Variants in ZFHX3 observed in about 807,000 individuals in gnomAD.
ZFHX3 encodes zinc finger homeobox 3, also known as zinc finger homeobox protein 3.
ZFHX3 carries 42 observed loss-of-function variants against 279.1 expected under a neutral mutation model. That is an observed-to-expected ratio of 0.15 (90% CI 0.12 to 0.19). ZFHX3 has a LOEUF of 0.19. Ranked by LOEUF, ZFHX3 falls within the 10% of genes least tolerant of loss-of-function variation. The probability of loss-of-function intolerance (pLI) is 1.00; values close to 1 mark genes in which losing one functional copy is unlikely to be tolerated. For synonymous variants in ZFHX3, 2,293 were observed against 1,957.8 expected (o/e 1.17, Z -4.52); for missense variants, 4,981 against 4,754.0 (o/e 1.05, Z -1.40).
intron 9 of ZFHX3, chr16:72,789,932 C>T (rs2035624699): frequency 6.6e-6 from 1 of 152,344 alleles, no homozygotes; most frequent in African/African-American, 2.4e-5. Context: ...CACCAATTCC[C>T]AAGACATCAC....
chr16:73,585,776 T>A lies in ZFHX3; in HGVS notation c.-1547+94404A>T, dbSNP rs910028194. On this transcript the variant is annotated intron_variant, in intron 2 of 17. Transcript: ENST00000641206. The stretch of plus-strand genomic sequence containing the variant: ...AATCATGGCAGGAGCAGTTGGTAGG[T>A]AGTAAGTGCAGTTAAAATGTTTCAA... Among the ~76,000 whole-genome samples, 15 of 152,186 alleles carry A rather than the reference T, an allele frequency of 9.9e-5. No homozygotes were observed. In the East Asian group the frequency reaches 1.7e-3, roughly 18 times the overall value.
intron 2 of ZFHX3, among the ~76,000 whole-genome samples, chr16:72,951,885 G>A (rs1961017680): frequency 6.6e-6 from 1 of 152,196 alleles, no homozygotes; most frequent in African/African-American, 2.4e-5. Context: ...AATTTTCAAT[G>A]TTATTTAAAT....
At chr16:73,647,333 C>A (rs2142161981) in intron 2 of ZFHX3, among the ~76,000 whole-genome samples, 1 of 152,234 alleles carries the variant, frequency 6.6e-6, no homozygotes, top group East Asian at 1.9e-4. Context: ...TGTGTCTCCA[C>A]CCAAATCTCA....
intron 2 of ZFHX3, among the ~76,000 whole-genome samples, chr16:72,951,176 A>G (rs753575217): frequency 6.6e-6 from 1 of 152,224 alleles, no homozygotes; most frequent in Non-Finnish European, 1.5e-5. Context: ...GGACATTCTG[A>G]GATTTCTGGC....
chr16:72,923,280 C>CA (rs1959246897), intron 3 of ZFHX3, among the ~76,000 whole-genome samples: 1 of 151,948 alleles, frequency 6.6e-6, no homozygotes, highest in Non-Finnish European at 1.5e-5. Flanking sequence ...CCCATCTCTA[C>CA]AAATGATACA....
Position 73,042,410 on chromosome 16 carries a change from A to G in ZFHX3, c.-50+5342T>C, listed in dbSNP as rs13332183. ...AAGCCAGCCTAACCGATACACTCAG[A>G]AGAATTTTTCTCCAGTCACACTCCT... On this transcript the variant is annotated intron_variant, in intron 1 of 9. Coordinates refer to ENST00000268489, the MANE Select transcript of ZFHX3 (RefSeq NM_006885.4). Among the ~76,000 whole-genome samples the G allele has an allele frequency of 9.3e-3, 1,415 of 152,284 alleles. 24 individuals are homozygous for G. Among genetic ancestry groups the G allele is most frequent in the African/African-American group, 0.032 (1,336 of 41,550 alleles).
intron 4 of ZFHX3, among the ~76,000 whole-genome samples, chr16:72,857,439 C>A (rs995566914): frequency 2.6e-5 from 4 of 152,202 alleles, no homozygotes; most frequent in Non-Finnish European, 5.9e-5. Flanking sequence ...ATAATCCCAG[C>A]CCTTTGGGAG....
intron 4 of ZFHX3, among the ~76,000 whole-genome samples, chr16:72,875,992 T>C (rs2038301619): frequency 6.6e-6 from 1 of 152,230 alleles, no homozygotes; most frequent in Non-Finnish European, 1.5e-5. Flanking sequence ...CTTATTTTTC[T>C]GTCCTAAAGG....
rs1597056669 is a variant in ZFHX3, at chr16:73,668,421, C to T, written c.-1547+11759G>A. On this transcript the variant is annotated intron_variant, in intron 2 of 17. Coordinates refer to the ZFHX3 transcript ENST00000641206. ...GTTGCACCCATCAACCCATCATCGA[C>T]ATTAGGTATTTCTCCTAATGCTATC... is the stretch of plus-strand genomic sequence containing the variant. 3.3e-5 allele frequency among the ~76,000 whole-genome samples: 5 copies of T among 152,162 alleles called. No homozygotes were observed. The South Asian group carries it at 1.0e-3, about 32-fold the overall frequency.
chr16:73,251,888 ACACACACCATG>A (rs2013510630), intron 5 of ZFHX3, among the ~76,000 whole-genome samples: 4 of 128,456 alleles, frequency 3.1e-5, no homozygotes, highest in Admixed American at 3.1e-4. Context: ...CACACACCAC[ACACACACCATG>A]CACACACACA....
intron 2 of ZFHX3, among the ~76,000 whole-genome samples, chr16:73,603,012 G>A (rs147582714): frequency 1.5e-3 from 228 of 151,408 alleles, no homozygotes; most frequent in Middle Eastern, 3.4e-3. Context: ...CAGGCCGGGC[G>A]CGGTGACTCA....
In ZFHX3 at chr16:73,191,739, G is replaced by T. The variant is rs79233695; in HGVS notation, c.-1103-47908C>A. On this transcript the variant is annotated intron_variant, in intron 5 of 17. Coordinates refer to the ZFHX3 transcript ENST00000641206. ...AGCTGTATTTCTTTTTTTTTTCTGC[G>T]GGAAGACAACCCTGAATTCCCTGTG... Among the ~76,000 whole-genome samples, 54 of 150,602 alleles carry T rather than the reference G, an allele frequency of 3.6e-4. 2 individuals carry two copies. The East Asian group carries it at 6.4e-3, about 18-fold the overall frequency.
intron 5 of ZFHX3, among the ~76,000 whole-genome samples, chr16:73,177,276 G>T (rs1422599280): frequency 6.6e-6 from 1 of 152,140 alleles, no homozygotes; most frequent in Non-Finnish European, 1.5e-5. Flanking sequence ...TGCAAAAGAG[G>T]CTCCAGTGCT....
intron 5 of ZFHX3, among the ~76,000 whole-genome samples, chr16:73,197,647 T>C (rs1449625194): frequency 6.6e-6 from 1 of 152,202 alleles, no homozygotes; most frequent in Non-Finnish European, 1.5e-5. Flanking sequence ...CTAAACATGA[T>C]AGATGTCTTC....
intron 4 of ZFHX3, among the ~76,000 whole-genome samples, chr16:72,831,943 C>CA (rs2060544561): frequency 1.3e-5 from 2 of 152,152 alleles, no homozygotes; most frequent in African/African-American, 2.4e-5. Flanking sequence ...TTTTCACACA[C>CA]AAAAAATTTG....
chr16:72,926,243 T>C (rs900578315), intron 3 of ZFHX3, among the ~76,000 whole-genome samples: 3 of 152,228 alleles, frequency 2.0e-5, no homozygotes, highest in Non-Finnish European at 4.4e-5. Flanking sequence ...TAGAATATAA[T>C]TGCCCATAGT....
At chr16:73,503,257 T>A (rs925881205) in intron 2 of ZFHX3, among the ~76,000 whole-genome samples, 1 of 152,220 alleles carries the variant, frequency 6.6e-6, no homozygotes, top group Non-Finnish European at 1.5e-5. Flanking sequence ...CATTGTAACA[T>A]CTATATGTCA....
At chr16:73,422,377 T>C (rs564252655) in intron 3 of ZFHX3, among the ~76,000 whole-genome samples, 6 of 152,170 alleles carry the variant, frequency 3.9e-5, no homozygotes, top group Admixed American at 3.9e-4. Flanking sequence ...CCACCACTCA[T>C]GCTAAACTTA....
intron 2 of ZFHX3, among the ~76,000 whole-genome samples, chr16:73,551,869 CTTG>C (rs2020208859): frequency 6.6e-6 from 1 of 152,186 alleles, no homozygotes; most frequent in South Asian, 2.1e-4. Flanking sequence ...GTTAGAGTAA[CTTG>C]TTTTCTTTCC....
Sources: gnomAD v4.1 joint callset for allele counts (sites outside exome capture counted in the v4.1 genomes callset) on GRCh38, gnomAD v4.1.1 for gene constraint, MANE v1.5 for transcripts, NCBI Gene and HGNC (gene_info 2026-07-23, HGNC 2026-07-21) for gene names.